Variants in NDST4 observed in about 807,000 individuals in gnomAD.
The protein encoded by NDST4 is N-deacetylase and N-sulfotransferase 4.
In NDST4, 63 loss-of-function variants were observed where a neutral mutation model predicts 100.8. The observed-to-expected ratio is 0.62, with a 90% CI of 0.51 to 0.77. NDST4 has a LOEUF of 0.77. Ranked by LOEUF, NDST4 falls within the 30% of genes least tolerant of loss-of-function variation. The pLI is 0.00. For missense variants in NDST4, 943 were observed against 1,018.4 expected (o/e 0.93, Z 1.01); for synonymous variants, 377 against 361.8 (o/e 1.04, Z -0.48).
At chr4:114,828,435 TG>T (rs1723127245) in intron 13 of NDST4, among the ~76,000 whole-genome samples, 1 of 152,192 alleles carries the variant, frequency 6.6e-6, no homozygotes, top group Non-Finnish European at 1.5e-5. Context: ...TACTCAGAGC[TG>T]AAATATATTT....
chr4:115,051,745 A>G (rs542431194), intron 2 of NDST4, among the ~76,000 whole-genome samples: 2 of 150,276 alleles, frequency 1.3e-5, no homozygotes, highest in Admixed American at 6.6e-5. Flanking sequence ...TCTTTTCAAT[A>G]GTTGATTTTG....
intron 6 of NDST4, among the ~76,000 whole-genome samples, chr4:114,889,719 C>G (rs1724553438): frequency 6.6e-6 from 1 of 152,166 alleles, no homozygotes; most frequent in African/African-American, 2.4e-5. Flanking sequence ...TTCAGGGAGA[C>G]AGCCTTGACT....
chr4:115,001,324 T>C (rs1369524051), intron 2 of NDST4, among the ~76,000 whole-genome samples: 1 of 152,078 alleles, frequency 6.6e-6, no homozygotes, highest in East Asian at 1.9e-4. Context: ...TTCCTAGGTA[T>C]GTAATTATTC....
At chr4:115,037,506 C>T (rs566308148) in intron 2 of NDST4, among the ~76,000 whole-genome samples, 78 of 152,126 alleles carry the variant, frequency 5.1e-4, no homozygotes, top group African/African-American at 1.8e-3. Context: ...TCCTCAGAAG[C>T]CAAATTTTAA....
At chr4:115,013,916 A>G (rs1195220071) in intron 2 of NDST4, among the ~76,000 whole-genome samples, 1 of 152,048 alleles carries the variant, frequency 6.6e-6, no homozygotes, top group African/African-American at 2.4e-5. Context: ...TGAAAGATGC[A>G]GAGGTGATAA....
At position 114,845,855 on chromosome 4, in the gene NDST4, C is replaced by T. The variant is rs1723537130; in HGVS notation, c.2083G>A (p.Asp695Asn). 1 of 1,613,772 alleles carries T rather than the reference C, an allele frequency of 6.2e-7. No individual in the cohort carries two copies. The highest frequency in any genetic ancestry group is 1.3e-5 in the African/African-American group (1 of 74,852). ...PKAKIITILI[D>N]PSDRAYSWYQ... ...CAAGAGTATGCCCTGTCTGAGGGGT[C>T]AATGAGGATGGTGATGATCTTGGCT... Residue 695 changes from aspartate (D) to asparagine (N), a missense_variant, in exon 10 of 14, where the codon GAC becomes AAC. Transcript: ENST00000264363.
At chr4:115,079,882 C>A (rs1180824005) in intron 1 of NDST4, among the ~76,000 whole-genome samples, 3 of 152,194 alleles carry the variant, frequency 2.0e-5, no homozygotes, top group East Asian at 3.9e-4. Flanking sequence ...TTTTAAAAAT[C>A]TGCATGATGT....
intron 6 of NDST4, among the ~76,000 whole-genome samples, chr4:114,920,490 A>G (rs1041681687): frequency 6.6e-6 from 1 of 152,178 alleles, no homozygotes; most frequent in African/African-American, 2.4e-5. Flanking sequence ...AAGGAGTAAG[A>G]TTCTGTTACT....
chr4:115,071,461 T>C (rs1203156261), intron 2 of NDST4, among the ~76,000 whole-genome samples: 1 of 152,126 alleles, frequency 6.6e-6, no homozygotes, highest in Non-Finnish European at 1.5e-5. Flanking sequence ...CCTAACACTC[T>C]TGCTTTCCTT....
intron 2 of NDST4, among the ~76,000 whole-genome samples, chr4:115,049,988 G>A (rs1216872633): frequency 6.6e-6 from 1 of 152,042 alleles, no homozygotes; most frequent in Non-Finnish European, 1.5e-5. Flanking sequence ...CCTAAATTCT[G>A]TCAGAGGAAG....
At chr4:114,839,298 T>C (rs1230040351) in intron 11 of NDST4, 80 bp downstream of exon 11, 3 of 1,344,682 alleles carry the variant, frequency 2.2e-6, no homozygotes, top group Admixed American at 2.2e-5. Context: ...AAGAAAGTAA[T>C]TTCAGGACAT....
intron 2 of NDST4, among the ~76,000 whole-genome samples, chr4:115,012,292 A>G (rs1212054900): frequency 6.6e-6 from 1 of 151,964 alleles, no homozygotes; most frequent in African/African-American, 2.4e-5. Flanking sequence ...TACATTTATC[A>G]CTGATATATG....
chr4:114,953,184 G>C (rs941616571), intron 4 of NDST4, among the ~76,000 whole-genome samples: 1 of 151,752 alleles, frequency 6.6e-6, no homozygotes, highest in African/African-American at 2.4e-5. Flanking sequence ...AAATTCTAGG[G>C]CTCGGTTTTC....
At chr4:115,061,541 C>T (rs984679790) in intron 2 of NDST4, among the ~76,000 whole-genome samples, 3 of 151,906 alleles carry the variant, frequency 2.0e-5, no homozygotes, top group Admixed American at 6.6e-5. Flanking sequence ...CCGAACACCA[C>T]ATGTTCTCAC....
intron 7 of NDST4, among the ~76,000 whole-genome samples, chr4:114,865,214 A>G (rs1019607000): frequency 2.0e-5 from 3 of 151,754 alleles, no homozygotes; most frequent in Non-Finnish European, 2.9e-5. Flanking sequence ...GCAGGCACAC[A>G]CCACCATGCC....
At chr4:115,091,385 T>C (rs1262654827) in intron 1 of NDST4, among the ~76,000 whole-genome samples, 2 of 152,068 alleles carry the variant, frequency 1.3e-5, no homozygotes, top group African/African-American at 4.8e-5. Flanking sequence ...AAAATCAACA[T>C]AAAATGAACA....
intron 6 of NDST4, among the ~76,000 whole-genome samples, chr4:114,881,158 A>T (rs527263249): frequency 9.1e-4 from 139 of 152,070 alleles, no homozygotes; most frequent in Non-Finnish European, 1.7e-3. Flanking sequence ...GCATTTTACA[A>T]ATTCTTAGAT....
intron 3 of NDST4, among the ~76,000 whole-genome samples, chr4:114,973,627 G>T (rs898072815): frequency 6.6e-6 from 1 of 151,592 alleles, no homozygotes; most frequent in South Asian, 2.1e-4. Context: ...TATCACTTTT[G>T]GAGAATCTGT....
chr4:115,001,908 C>T (rs185987583), intron 2 of NDST4, among the ~76,000 whole-genome samples: 152 of 152,266 alleles, frequency 1.0e-3, no homozygotes, highest in African/African-American at 3.0e-3. Context: ...TGTAAGAGCC[C>T]AGGCAGAGTG....
Sources: allele counts gnomAD v4.1 joint callset (sites outside exome capture counted in the v4.1 genomes callset), GRCh38; gene constraint gnomAD v4.1.1; transcripts MANE v1.5; gene names NCBI Gene and HGNC (gene_info 2026-07-23, HGNC 2026-07-21).